GTF2H3: variants seen among roughly 807,000 people sequenced by gnomAD.
The protein encoded by GTF2H3 is TFIIH basal transcription factor complex p34 subunit.
Under a neutral mutation model 51.1 loss-of-function variants are expected in GTF2H3, and 42 were observed. The ratio of observed to expected loss-of-function variants is 0.82; its 90% confidence interval spans 0.64 to 1.06. The LOEUF is 1.06. Ranked by LOEUF, GTF2H3 falls within the 50% of genes least tolerant of loss-of-function variation. The pLI is 0.00. For synonymous variants in GTF2H3, 123 were observed against 123.8 expected, an observed-to-expected ratio of 0.99 and a Z score of 0.04; for missense variants, 326 against 366.1, an observed-to-expected ratio of 0.89 and a Z score of 0.89.
At chr12:123,647,763 T>C (rs1955468363) in intron 3 of GTF2H3, among the ~76,000 whole-genome samples, 200 bp from the exon 4 acceptor site, 1 of 152,236 alleles carries the variant, frequency 6.6e-6, no homozygotes. Flanking sequence ...GCCTATTTTA[T>C]ACATTTTTTC....
At chr12:123,648,663 A>T (rs1041249281) in intron 4 of GTF2H3, among the ~76,000 whole-genome samples, 1 of 151,874 alleles carries the variant, frequency 6.6e-6, no homozygotes, top group African/African-American at 2.4e-5. Flanking sequence ...TCCATTCCCT[A>T]TTTCTGTCAG....
intron 7 of GTF2H3, 39 bp downstream of exon 7, chr12:123,652,774 A>G (rs762015677): frequency 3.5e-6 from 5 of 1,445,302 alleles, no homozygotes; most frequent in Admixed American, 5.0e-5. Flanking sequence ...TATGACAACT[A>G]TAATTAGAAA....
At chr12:123,651,541 C>T (rs1015983589) in intron 5 of GTF2H3, among the ~76,000 whole-genome samples, 7 of 151,098 alleles carry the variant, frequency 4.6e-5, no homozygotes, top group East Asian at 4.0e-4. Context: ...CTGTAAAGGC[C>T]GGGCGTGGTG....
At chr12:123,639,903 A>G (rs201846796) in intron 2 of GTF2H3, 13 of 357,700 alleles carry the variant, frequency 3.6e-5, no homozygotes, top group Admixed American at 5.4e-5. Flanking sequence ...GCGTGCGTGT[A>G]TGTGTGTGGT....
intron 2 of GTF2H3, among the ~76,000 whole-genome samples, chr12:123,643,028 T>C (rs1344580029): frequency 6.6e-6 from 1 of 152,104 alleles, no homozygotes; most frequent in Non-Finnish European, 1.5e-5. Context: ...CACGTCACCA[T>C]GCCCAGCTAA....
chr12:123,653,949 A>C (rs919848444), intron 7 of GTF2H3, among the ~76,000 whole-genome samples: 1 of 152,216 alleles, frequency 6.6e-6, no homozygotes, highest in Non-Finnish European at 1.5e-5. Context: ...AGAACTGGAA[A>C]CTGCTTAAAT....
chr12:123,637,280 A>C (rs1955298465), intron 1 of GTF2H3, among the ~76,000 whole-genome samples: 1 of 152,000 alleles, frequency 6.6e-6, no homozygotes, highest in Admixed American at 6.6e-5. Flanking sequence ...GCGTGCATGT[A>C]GTCCTTACTA....
At chr12:123,642,463 C>G (rs1418028183) in intron 2 of GTF2H3, among the ~76,000 whole-genome samples, 1 of 152,214 alleles carries the variant, frequency 6.6e-6, no homozygotes, top group Non-Finnish European at 1.5e-5. Context: ...GCCACCACAC[C>G]TGGTCAATCT....
chr12:123,634,597 C>T (rs1318443828), intron 1 of GTF2H3, among the ~76,000 whole-genome samples: 1 of 152,182 alleles, frequency 6.6e-6, no homozygotes, highest in East Asian at 1.9e-4. Flanking sequence ...TTGAAACCGA[C>T]TTGAATGATT....
intron 6 of GTF2H3, 68 bp from the exon 7 acceptor site, chr12:123,652,639 T>A: frequency 1.3e-6 from 2 of 1,529,280 alleles, no homozygotes; most frequent in Non-Finnish European, 8.9e-7. Context: ...TGTTTAAAAA[T>A]TGGTTAGGAA....
In GTF2H3 at chr12:123,648,102, G is replaced by C; in HGVS notation, c.340G>C (p.Glu114Gln). The C allele has an allele frequency of 6.2e-7, 1 of 1,607,146 alleles. No homozygotes were observed. The highest frequency in any genetic ancestry group is 8.5e-7 in the Non-Finnish European group (1 of 1,176,100). ...CTCAGCAAATGAAGTTATTGTTGAA[G>C]AGATTAAAGATCTAATGACCAAAAG... ...LTSANEVIVE[E>Q]IKDLMTKSDI... Residue 114 changes from glutamate to glutamine, a missense_variant, in exon 4 of 13, where the codon GAG becomes CAG. Transcript: ENST00000543341.
At chr12:123,634,293 T>C (rs1197570473) in intron 1 of GTF2H3, among the ~76,000 whole-genome samples, 9 of 152,010 alleles carry the variant, frequency 5.9e-5, no homozygotes, top group Non-Finnish European at 1.2e-4. Context: ...AAATGAAATA[T>C]TAGCCGGGCG....
rs943161216 is a variant in GTF2H3, at chr12:123,661,405, G to A, written c.*1170G>A. ...CCCCTGCAATCCCAGCACTTTGGGA[G>A]GCCGAGGCAGGCAGATCACAAGGTC... On this transcript the variant is annotated 3_prime_UTR_variant, in exon 13 of 13. Coordinates refer to ENST00000543341, the MANE Select transcript of GTF2H3 (RefSeq NM_001516.5). The A allele has an allele frequency of 6.6e-6, 1 of 152,186 alleles. No homozygotes were observed. The highest frequency in any genetic ancestry group is 2.4e-5 in the African/African-American group (1 of 41,450). The allele number at this position is 152,186 out of a possible 1,614,324, so 9.4% of individuals were successfully genotyped here. A position where few individuals can be genotyped will look rare whatever the true frequency, so the allele number is the denominator to read the frequency against.
At chr12:123,653,638 G>C (rs1037302331) in intron 7 of GTF2H3, among the ~76,000 whole-genome samples, 4 of 150,434 alleles carry the variant, frequency 2.7e-5, no homozygotes, top group Non-Finnish European at 1.5e-5. Context: ...AACAGAGCGA[G>C]ACTCTGTCTC....
intron 1 of GTF2H3, among the ~76,000 whole-genome samples, chr12:123,637,274 G>T (rs1483988059): frequency 6.6e-6 from 1 of 151,946 alleles, no homozygotes; most frequent in African/African-American, 2.4e-5. Context: ...GGTGGTGCGT[G>T]CATGTAGTCC....
intron 7 of GTF2H3, 92 bp downstream of exon 7, chr12:123,652,827 C>G: frequency 3.2e-6 from 4 of 1,245,554 alleles, no homozygotes; most frequent in Non-Finnish European, 4.3e-6. Context: ...CCTGTTATCC[C>G]AGCACTTTGG....
intron 1 of GTF2H3, among the ~76,000 whole-genome samples, chr12:123,634,847 T>G (rs945641069): frequency 6.6e-6 from 1 of 152,236 alleles, no homozygotes; most frequent in African/African-American, 2.4e-5. Context: ...TTGGCCGTGA[T>G]AGAGAAGTTG....
Position 123,659,553 on chromosome 12 carries a change from C to G in GTF2H3, c.653C>G (p.Pro218Arg), listed in dbSNP as rs903426090. 1 of 1,614,084 alleles carries G rather than the reference C, an allele frequency of 6.2e-7. No individual in the cohort carries two copies. Among genetic ancestry groups the G allele is most frequent in the Non-Finnish European group, 8.5e-7 (1 of 1,179,994 alleles). ...ACGGGAGGACTGTACCTGAAGGTGC[C>G]TCAGATGCCTTCTCTTCTGCAGTAT... is the stretch of plus-strand genomic sequence containing the variant. ...DITGGLYLKVPQMPSLLQYLL... is the reference protein window; with the variant it reads ...DITGGLYLKVRQMPSLLQYLL... Residue 218 changes from proline to arginine, a missense_variant, in exon 10 of 13, where the codon CCT (proline) becomes CGT (arginine). Coordinates refer to ENST00000543341, the MANE Select transcript of GTF2H3 (RefSeq NM_001516.5).
intron 3 of GTF2H3, among the ~76,000 whole-genome samples, chr12:123,645,762 G>GT: frequency 6.6e-6 from 1 of 152,180 alleles, no homozygotes; most frequent in Non-Finnish European, 1.5e-5. Flanking sequence ...AGATAGTAGA[G>GT]TTACACAATG....
Sources: gnomAD v4.1 joint callset for allele counts (sites outside exome capture counted in the v4.1 genomes callset) on GRCh38, gnomAD v4.1.1 for gene constraint, MANE v1.5 for transcripts, NCBI Gene and HGNC (gene_info 2026-07-23, HGNC 2026-07-21) for gene names.